Variants in MROH1 observed in about 807,000 individuals in gnomAD.
The protein encoded by MROH1 is maestro heat like repeat family member 1, also known as maestro heat-like repeat-containing protein family member 1.
Under a neutral mutation model 116.5 loss-of-function variants are expected in MROH1, and 117 were observed. The ratio of observed to expected loss-of-function variants is 1.00; its 90% confidence interval spans 0.86 to 1.17. MROH1 has a LOEUF of 1.17. Ranked by LOEUF, MROH1 falls within the 50% of genes most tolerant of loss-of-function variation. The probability of loss-of-function intolerance (pLI) is 0.00; values close to 1 mark genes in which losing one functional copy is unlikely to be tolerated. For synonymous variants in MROH1, 921 were observed against 583.9 expected (o/e 1.58, Z -8.32); for missense variants, 1,873 against 1,338.5 (o/e 1.40, Z -6.23).
intron 1 of MROH1, among the ~76,000 whole-genome samples, 184 bp downstream of exon 1, chr8:144,148,260 C>T (rs968009034): frequency 3.4e-4 from 52 of 152,264 alleles, no homozygotes; most frequent in Middle Eastern, 6.8e-3. Flanking sequence ...GACCTCGGCT[C>T]AGGTGTGCGC....
chr8:144,151,262 A>AC (rs1231967458), intron 1 of MROH1, among the ~76,000 whole-genome samples: 1 of 151,050 alleles, frequency 6.6e-6, no homozygotes, highest in African/African-American at 2.4e-5. Context: ...AAAAAAAAAA[A>AC]AAAAAAAAAA....
Position 144,260,922 on chromosome 8 carries a change from C to G in MROH1, c.4552C>G (p.Leu1518Val), listed in dbSNP as rs1039682055. 1.3e-6 allele frequency: 1 copy of G among 777,480 alleles called. No individual in the cohort carries two copies. The highest frequency in any genetic ancestry group is 2.4e-6 in the Non-Finnish European group (1 of 417,772). 48.2% of individuals were successfully genotyped at this position (777,480 alleles called of 1,614,324 possible). A position where few individuals can be genotyped will look rare whatever the true frequency, so the allele number is the denominator to read the frequency against. Reference protein sequence around the residue: ...ATVASACRFALRMCGPNLACE... With the variant: ...ATVASACRFAVRMCGPNLACE... ...CATCCCTTAGGCCTGCAGGTTTGCC[C>G]TGCGCATGTGTGGCCCCAATCTGGC... The change falls in exon 41 of 44, where the codon CTG (leucine) becomes GTG (valine). Residue 1518 changes from leucine (L) to valine (V), a missense_variant. Leu to Val is a conservative substitution (Grantham distance 32, BLOSUM62 1). Coordinates refer to ENST00000326134, the MANE Select transcript of MROH1 (RefSeq NM_032450.3).
intron 7 of MROH1, among the ~76,000 whole-genome samples, chr8:144,183,664 T>TCTCCATCCA (rs1826237526): frequency 6.6e-6 from 1 of 151,594 alleles, no homozygotes; most frequent in Non-Finnish European, 1.5e-5. Context: ...TCTTTTTTTT[T>TCTCCATCCA]GAGATGGAGT....
chr8:144,187,229 A>G (rs1354658302), intron 7 of MROH1, among the ~76,000 whole-genome samples: 2 of 152,106 alleles, frequency 1.3e-5, no homozygotes, highest in Non-Finnish European at 2.9e-5. Flanking sequence ...TGGGCATCAT[A>G]GTGAGACCTC....
At chr8:144,181,278 A>AGTGATGGGGGAGGGGCCG (rs1554792509) in intron 7 of MROH1, among the ~76,000 whole-genome samples, 1 of 95,742 alleles carries the variant, frequency 1.0e-5, no homozygotes, top group Non-Finnish European at 2.0e-5. Flanking sequence ...GGGAGGACCC[A>AGTGATGGGGGAGGGGCCG]GTGATGGGGG....
At chr8:144,191,608 G>A in intron 8 of MROH1, 107 bp from the exon 9 acceptor site, 1 of 1,437,020 alleles carries the variant, frequency 7.0e-7, no homozygotes, top group Non-Finnish European at 9.4e-7. Flanking sequence ...AGCACCCACT[G>A]GTAGCCCAGT....
At chr8:144,157,226 C>T (rs1818374709) in intron 1 of MROH1, among the ~76,000 whole-genome samples, 4 of 152,060 alleles carry the variant, frequency 2.6e-5, no homozygotes. Flanking sequence ...AAAGTGCTGG[C>T]TTGAGCCACC....
intron 7 of MROH1, among the ~76,000 whole-genome samples, chr8:144,190,345 T>G (rs1435880658): frequency 6.6e-6 from 1 of 152,158 alleles, no homozygotes; most frequent in Non-Finnish European, 1.5e-5. Context: ...CTGGCCAACA[T>G]GGTGAAACCC....
chr8:144,181,271 A>AG (rs1442349005), intron 7 of MROH1, among the ~76,000 whole-genome samples: 1 of 846 alleles, frequency 1.2e-3, no homozygotes, highest in Non-Finnish European at 3.6e-3. Context: ...CAGGTGTGGG[A>AG]GGACCCAGTG....
At chr8:144,211,553 C>G (rs1834092595) in intron 12 of MROH1, among the ~76,000 whole-genome samples, 2 of 151,792 alleles carry the variant, frequency 1.3e-5, no homozygotes, top group Admixed American at 6.6e-5. Context: ...GTGAAACCCC[C>G]CTCCCTACTA....
chr8:144,240,867 G>A (rs1840861939), intron 20 of MROH1, 125 bp from the exon 21 acceptor site: 1 of 696,028 alleles, frequency 1.4e-6, no homozygotes. Flanking sequence ...TGTTGCCCCA[G>A]ACTCACCCTG....
In MROH1 at chr8:144,213,782, C is replaced by T. The variant is rs543790647; in HGVS notation, c.1142-6818C>T. Among the ~76,000 whole-genome samples, 3 of 151,544 alleles carry T rather than the reference C, an allele frequency of 2.0e-5. No homozygotes were observed. The East Asian group carries it at 5.8e-4, about 29-fold the overall frequency. ...CAGCCTGGGCAGCAGAGCAAGACTC[C>T]GTCTCAAAAAAAAAATTATTTATTG... On this transcript the variant is annotated intron_variant, in intron 12 of 43. Transcript: ENST00000326134.
chr8:144,192,914 C>T (rs1049498467), intron 10 of MROH1: 7 of 300,100 alleles, frequency 2.3e-5, no homozygotes, highest in African/African-American at 6.7e-5. Context: ...CCGGGTCACC[C>T]GTGACCTTGG....
intron 18 of MROH1, 42 bp from the exon 19 acceptor site, chr8:144,240,059 G>A: frequency 1.3e-6 from 1 of 762,420 alleles, no homozygotes; most frequent in Non-Finnish European, 2.4e-6. Flanking sequence ...AGCCCCACTG[G>A]TGCGTTTTGG....
Position 144,182,149 on chromosome 8 carries a change from C to T in MROH1, c.562+1626C>T, listed in dbSNP as rs1038339229. 2.0e-5 allele frequency among the ~76,000 whole-genome samples: 3 copies of T among 149,118 alleles called. No individual in the cohort carries two copies. Among genetic ancestry groups the T allele is most frequent in the East Asian group, 1.9e-4 (1 of 5,182 alleles). The stretch of plus-strand genomic sequence containing the variant: ...TGGGGCCAGAGGAAGCCGTATCAAC[C>T]GGGTGAGGCCTAGTGGTGGGGGCGG... On this transcript the variant is annotated intron_variant, in intron 7 of 43. Transcript: ENST00000326134. This position sits in a 1 kb window ranked among gnomAD's most constrained non-coding sequence, Gnocchi z 4.1.
chr8:144,255,077 C>T (rs1843462144), intron 34 of MROH1, 99 bp downstream of exon 34: 1 of 640,116 alleles, frequency 1.6e-6, no homozygotes, highest in Non-Finnish European at 2.8e-6. Flanking sequence ...CGGACGCCAC[C>T]CCACAGGCAC....
chr8:144,242,674 G>C (rs980167068), intron 24 of MROH1, 46 bp downstream of exon 24: 40 of 768,740 alleles, frequency 5.2e-5, no homozygotes, highest in Non-Finnish European at 8.7e-5. Flanking sequence ...CTCTCCTCTC[G>C]GCTCTCCTCT....
chr8:144,260,948 A>T lies in MROH1; in HGVS notation c.4578A>T (p.Ala1526=), dbSNP rs1844926629. ...TGCGCATGTGTGGCCCCAATCTGGC[A>T]TGTGAGGAGCTCTCAGCTGCTTTCC... is the stretch of plus-strand genomic sequence containing the variant. ...FALRMCGPNL[A]CEELSAAFQK... Residue 1526 remains alanine (A), a synonymous_variant, in exon 41 of 44, where the codon GCA becomes GCT. Coordinates refer to ENST00000326134, the MANE Select transcript of MROH1 (RefSeq NM_032450.3). 1 of 777,562 alleles carries T rather than the reference A, an allele frequency of 1.3e-6. No homozygotes were observed. The allele number at this position is 777,562 out of a possible 1,614,324, so 48.2% of individuals were successfully genotyped here.
intron 14 of MROH1, among the ~76,000 whole-genome samples, chr8:144,230,176 T>A (rs1037106689): frequency 1.3e-5 from 2 of 152,194 alleles, no homozygotes; most frequent in Admixed American, 6.5e-5. Context: ...TGAACCAACC[T>A]CTGCCAGCTT....
Sources: gnomAD v4.1 joint callset for allele counts (sites outside exome capture counted in the v4.1 genomes callset) on GRCh38, gnomAD v4.1.1 for gene constraint, Gnocchi (gnomAD v3.1) non-coding constraint, MANE v1.5 for transcripts, NCBI Gene and HGNC (gene_info 2026-07-23, HGNC 2026-07-21) for gene names.